MYH14: variants seen among roughly 807,000 people sequenced by gnomAD.
MYH14 encodes the protein myosin-14.
A neutral mutation model predicts 255.5 loss-of-function variants in MYH14; 123 were observed. The observed-to-expected ratio is 0.48, with a 90% confidence interval of 0.42 to 0.56. The LOEUF is 0.56. MYH14 is among the 20% of genes least tolerant of loss of function. MYH14 has a pLI of 0.00. For missense variants in MYH14, 2,423 were observed against 2,802.3 expected (o/e 0.86, Z 3.06); for synonymous variants, 1,095 against 1,161.2 (o/e 0.94, Z 1.16).
At chr19:50,288,940 C>T (rs1319765889) in intron 34 of MYH14, among the ~76,000 whole-genome samples, 1 of 151,996 alleles carries the variant, frequency 6.6e-6, no homozygotes, top group East Asian at 1.9e-4. Context: ...TCATACCTCC[C>T]TGAAAGATCA....
chr19:50,224,039 T>TG, intron 5 of MYH14, 115 bp from the exon 6 acceptor site: 3 of 415,104 alleles, frequency 7.2e-6, no homozygotes, highest in Admixed American at 3.2e-5. Flanking sequence ...GTTTCCCCAG[T>TG]CCCCCTTCCC....
At chr19:50,258,741 A>AAAAAAAAAAAAAAACAC (rs761216499) in intron 18 of MYH14, 3 of 145,556 alleles carry the variant, frequency 2.1e-5, no homozygotes, top group African/African-American at 8.5e-5. Context: ...AAAAAAAAAA[A>AAAAAAAAAAAAAAACAC]AAACGAACAA....
chr19:50,230,947 C>T lies in MYH14; in HGVS notation c.973+324C>T, dbSNP rs1188263715. 1 of 337,016 alleles carries T rather than the reference C, an allele frequency of 3.0e-6. No homozygotes were observed. Among genetic ancestry groups the T allele is most frequent in the African/African-American group, 2.1e-5 (1 of 47,116 alleles). The allele number at this position is 337,016 out of a possible 1,614,324, so 20.9% of individuals were successfully genotyped here. A position where few individuals can be genotyped will look rare whatever the true frequency, so the allele number is the denominator to read the frequency against. On this transcript the variant is annotated intron_variant, in intron 9 of 42. Transcript: ENST00000642316. The surrounding 1 kb of genome is among the most constrained non-coding windows in gnomAD (Gnocchi z 4.7). ...CTCTCTCGCGCGGCTTCTCCTCACTCCGGCGGGTGACTCCGGCTTTGCTGA... is the reference window on the plus strand; with the variant it reads ...CTCTCTCGCGCGGCTTCTCCTCACTTCGGCGGGTGACTCCGGCTTTGCTGA...
intron 24 of MYH14, among the ~76,000 whole-genome samples, chr19:50,269,284 C>T (rs915379621): frequency 6.6e-6 from 1 of 152,212 alleles, no homozygotes; most frequent in Non-Finnish European, 1.5e-5. Flanking sequence ...TCAAGCAATT[C>T]TCCTGCCTCA....
intron 10 of MYH14, among the ~76,000 whole-genome samples, chr19:50,242,062 A>C (rs915724558): frequency 3.3e-5 from 5 of 152,170 alleles, no homozygotes; most frequent in Non-Finnish European, 5.9e-5. Flanking sequence ...TCATGGACGC[A>C]AATGTCCAGG....
chr19:50,300,975 A>C (rs1173146909), intron 39 of MYH14, among the ~76,000 whole-genome samples: 8 of 151,630 alleles, frequency 5.3e-5, no homozygotes, highest in Non-Finnish European at 1.2e-4. Flanking sequence ...CCCACAAAGG[A>C]GAATATGCTA....
intron 17 of MYH14, among the ~76,000 whole-genome samples, chr19:50,257,071 C>T (rs1162173669): frequency 2.6e-5 from 4 of 152,204 alleles, no homozygotes; most frequent in Admixed American, 6.5e-5. Context: ...GTTCTAATCT[C>T]GGATCTTCAG....
chr19:50,276,264 T>G lies in MYH14; in HGVS notation c.3680+61T>G. ...GCACATACAGGGCTGGGGGAAGGAC[T>G]TAGGTACAAAGTCTCTGTCTATACA... is the stretch of plus-strand genomic sequence containing the variant. On this transcript the variant is annotated intron_variant, in intron 28 of 42. Coordinates refer to ENST00000642316, the MANE Select transcript of MYH14 (RefSeq NM_001145809.2). This position sits in a 1 kb window ranked among gnomAD's most constrained non-coding sequence, Gnocchi z 4.3. The G allele has an allele frequency of 2.4e-6, 3 of 1,270,982 alleles. No homozygotes were observed. Among genetic ancestry groups the G allele is most frequent in the Non-Finnish European group, 3.2e-6 (3 of 934,558 alleles). 78.7% of individuals were successfully genotyped at this position (1,270,982 alleles called of 1,614,324 possible).
chr19:50,304,806 T>G (rs913811527), intron 40 of MYH14, among the ~76,000 whole-genome samples: 10 of 152,108 alleles, frequency 6.6e-5, no homozygotes, highest in Non-Finnish European at 8.8e-5. Context: ...TGGAATACCC[T>G]GAGATGTAGT....
Position 50,293,278 on chromosome 19 carries a change from C to T in MYH14, c.5302C>T (p.Arg1768Trp), listed in dbSNP as rs766866459. The stretch of plus-strand genomic sequence containing the variant: ...TGCTCGGCGGCAGGCCCAGCAGGAC[C>T]GGGATGAGATGGCAGATGAGGTGGC... ...DRARRQAQQD[R>W]DEMADEVANG... Residue 1768 changes from arginine to tryptophan, a missense_variant, in exon 38 of 43, where the codon CGG (arginine) becomes TGG (tryptophan). By Grantham distance (101) the Arg-to-Trp change is moderately radical. Coordinates refer to ENST00000642316, the MANE Select transcript of MYH14 (RefSeq NM_001145809.2). This position sits in a 1 kb window ranked among gnomAD's most constrained non-coding sequence, Gnocchi z 4.1. The T allele has an allele frequency of 1.8e-5, 29 of 1,609,822 alleles. No homozygotes were observed. The highest frequency in any genetic ancestry group is 4.5e-5 in the East Asian group (2 of 44,758).
intron 41 of MYH14, 82 bp from the exon 42 acceptor site, chr19:50,308,909 GGGGGCAGTAGGGAT>G: frequency 1.7e-6 from 2 of 1,204,236 alleles, no homozygotes; most frequent in Non-Finnish European, 2.3e-6. Context: ...GAGAGAGTCA[GGGGGCAGTAGGGAT>G]GGGGCAGTAG....
At chr19:50,281,243 A>C (rs1314178296) in intron 32 of MYH14, among the ~76,000 whole-genome samples, 1 of 152,114 alleles carries the variant, frequency 6.6e-6, no homozygotes, top group Non-Finnish European at 1.5e-5. Context: ...GAATGTTCTA[A>C]ACAGATTCTG....
intron 6 of MYH14, chr19:50,224,891 G>A (rs61389250): frequency 0.26 from 118,641 of 455,398 alleles, 16,873 homozygotes; most frequent in East Asian, 0.33. Flanking sequence ...GATTGCTTGA[G>A]GCCAGGAGTT....
At chr19:50,248,947 A>G in intron 12 of MYH14, 40 bp from the exon 13 acceptor site, 2 of 1,609,772 alleles carry the variant, frequency 1.2e-6, no homozygotes, top group Non-Finnish European at 1.7e-6. Flanking sequence ...CAGTCTGCTG[A>G]TGTGCAGGCT....
intron 24 of MYH14, among the ~76,000 whole-genome samples, chr19:50,270,375 C>T (rs907309981): frequency 2.0e-5 from 3 of 151,910 alleles, no homozygotes; most frequent in Non-Finnish European, 4.4e-5. Flanking sequence ...AAAAAATTAG[C>T]CAGGTGTGGT....
Position 50,261,546 on chromosome 19 carries a change from C to A in MYH14, c.2496C>A (p.Val832=), listed in dbSNP as rs1272625873. Reference sequence around the variant, plus strand: ...GCAAGATCTTCTTCCGGGCTGGGGTCCTGGCCCAGCTGGAAGAGGAGCGAG... The same window carrying A: ...GCAAGATCTTCTTCCGGGCTGGGGTACTGGCCCAGCTGGAAGAGGAGCGAG... The part of the protein sequence containing the change: ...GQSKIFFRAG[V]LAQLEEERDL... The change falls in exon 21 of 43, where the codon GTC becomes GTA. Residue 832 remains valine, a synonymous_variant. Transcript: ENST00000642316. 6.3e-7 allele frequency: 1 copy of A among 1,598,090 alleles called. No individual in the cohort carries two copies. Among genetic ancestry groups the A allele is most frequent in the Non-Finnish European group, 8.5e-7 (1 of 1,174,820 alleles).
chr19:50,239,127 C>T (rs2033789739), intron 10 of MYH14, among the ~76,000 whole-genome samples: 1 of 152,228 alleles, frequency 6.6e-6, no homozygotes, highest in South Asian at 2.1e-4. Flanking sequence ...TCAAGCAATT[C>T]TCCTGCCTCA....
chr19:50,211,040 A>G (rs2032169489), intron 2 of MYH14, among the ~76,000 whole-genome samples: 1 of 152,234 alleles, frequency 6.6e-6, no homozygotes, highest in South Asian at 2.1e-4. Context: ...TTTCTCAGAT[A>G]TAGCTCATCC....
At chr19:50,251,569 C>CACACATATATATATAT (rs1491546469) in intron 15 of MYH14, among the ~76,000 whole-genome samples, 2 of 121,090 alleles carry the variant, frequency 1.7e-5, no homozygotes, top group Admixed American at 8.2e-5. Flanking sequence ...CACACACACA[C>CACACATATATATATAT]ATATATATAT....
Sources: allele counts gnomAD v4.1 joint callset (sites outside exome capture counted in the v4.1 genomes callset), GRCh38; gene constraint gnomAD v4.1.1; non-coding constraint Gnocchi (gnomAD v3.1); transcripts MANE v1.5; gene names NCBI Gene and HGNC (gene_info 2026-07-23, HGNC 2026-07-21).